The following CYP7B1 variants were observed in gnomAD, a reference collection of about 807,000 sequenced individuals.
CYP7B1 encodes the protein cytochrome P450 family 7 subfamily B member 1.
In CYP7B1, 29 loss-of-function variants were observed where a neutral mutation model predicts 42.7. The observed-to-expected ratio is 0.68, with a 90% CI of 0.51 to 0.93. The LOEUF (loss-of-function observed/expected upper bound fraction) is 0.93. CYP7B1 is among the 40% of genes least tolerant of loss of function. The pLI is 0.00. For missense variants in CYP7B1, 655 were observed against 600.5 expected (o/e 1.09, Z -0.95); for synonymous variants, 235 against 218.2 (o/e 1.08, Z -0.68).
chr8:64,704,699 C>T (rs2129632526), intron 1 of CYP7B1, among the ~76,000 whole-genome samples: 1 of 152,156 alleles, frequency 6.6e-6, no homozygotes, highest in East Asian at 1.9e-4. Context: ...GGATATATAA[C>T]ATTTCATGCT....
At chr8:64,714,940 G>T (rs1296168588) in intron 1 of CYP7B1, among the ~76,000 whole-genome samples, 1 of 152,036 alleles carries the variant, frequency 6.6e-6, no homozygotes, top group African/African-American at 2.4e-5. Flanking sequence ...TCCTTATTTG[G>T]GAATTTAAAC....
At chr8:64,759,269 G>T (rs1226083653) in intron 1 of CYP7B1, among the ~76,000 whole-genome samples, 3 of 152,162 alleles carry the variant, frequency 2.0e-5, no homozygotes, top group Non-Finnish European at 4.4e-5. Flanking sequence ...AGGACAAAAT[G>T]CAAGAGGTCA....
At chr8:64,606,958 T>C (rs1192096457) in intron 4 of CYP7B1, among the ~76,000 whole-genome samples, 1 of 152,090 alleles carries the variant, frequency 6.6e-6, no homozygotes, top group East Asian at 1.9e-4. Context: ...AATAAAAAAA[T>C]TGCAGCCTCT....
intron 1 of CYP7B1, among the ~76,000 whole-genome samples, chr8:64,700,463 A>G (rs1289588566): frequency 6.6e-6 from 1 of 152,126 alleles, no homozygotes; most frequent in East Asian, 1.9e-4. Flanking sequence ...TGCTTCCCAT[A>G]GCATTGTGTC....
At chr8:64,796,227 C>A (rs1804700473) in intron 1 of CYP7B1, among the ~76,000 whole-genome samples, 1 of 152,002 alleles carries the variant, frequency 6.6e-6, no homozygotes, top group African/African-American at 2.4e-5. Flanking sequence ...TAAACAAATG[C>A]AAATTACAAT....
intron 1 of CYP7B1, among the ~76,000 whole-genome samples, chr8:64,643,404 A>G (rs531579399): frequency 6.6e-5 from 10 of 152,110 alleles, no homozygotes; most frequent in Non-Finnish European, 1.5e-4. Flanking sequence ...AAATGTACAT[A>G]TCTTAATTAA....
chr8:64,741,839 A>C (rs1439066560), intron 1 of CYP7B1, among the ~76,000 whole-genome samples: 1 of 152,200 alleles, frequency 6.6e-6, no homozygotes, highest in Non-Finnish European at 1.5e-5. Context: ...ACTCTAATAA[A>C]AGAAATTAAA....
At chr8:64,684,443 A>AC (rs1806588541) in intron 1 of CYP7B1, among the ~76,000 whole-genome samples, 1 of 152,274 alleles carries the variant, frequency 6.6e-6, no homozygotes, top group African/African-American at 2.4e-5. Context: ...AATACCTAGA[A>AC]TGCCTAGTAT....
chr8:64,762,740 C>A (rs1449497572), intron 1 of CYP7B1, among the ~76,000 whole-genome samples: 1 of 152,154 alleles, frequency 6.6e-6, no homozygotes. Flanking sequence ...TTTTATATAA[C>A]AGTTTTATGG....
intron 1 of CYP7B1, among the ~76,000 whole-genome samples, chr8:64,690,874 A>G (rs1180466472): frequency 6.6e-6 from 1 of 152,218 alleles, no homozygotes; most frequent in Non-Finnish European, 1.5e-5. Context: ...CATGCACATA[A>G]GCAATCAGTT....
At chr8:64,725,852 T>C (rs1005122049) in intron 1 of CYP7B1, among the ~76,000 whole-genome samples, 2 of 152,222 alleles carry the variant, frequency 1.3e-5, no homozygotes, top group Non-Finnish European at 2.9e-5. Flanking sequence ...GTATCTCTTC[T>C]CCTTCATCAT....
At chr8:64,713,598 A>G (rs1807112366) in intron 1 of CYP7B1, among the ~76,000 whole-genome samples, 3 of 152,094 alleles carry the variant, frequency 2.0e-5, no homozygotes, top group Admixed American at 6.5e-5. Flanking sequence ...AATTGACAGC[A>G]GATTAGATTA....
chr8:64,722,503 A>AG (rs1028211975), intron 1 of CYP7B1, among the ~76,000 whole-genome samples: 3 of 152,020 alleles, frequency 2.0e-5, no homozygotes, highest in African/African-American at 7.3e-5. Flanking sequence ...CTACTAGAAA[A>AG]AATCTAACAT....
At chr8:64,673,166 G>A (rs756952977) in intron 1 of CYP7B1, among the ~76,000 whole-genome samples, 1 of 152,094 alleles carries the variant, frequency 6.6e-6, no homozygotes, top group Non-Finnish European at 1.5e-5. Context: ...CATGGGGGAT[G>A]TGTCCTGTTG....
chr8:64,619,558 G>A (rs1805497156), intron 2 of CYP7B1, among the ~76,000 whole-genome samples: 1 of 152,122 alleles, frequency 6.6e-6, no homozygotes, highest in Non-Finnish European at 1.5e-5. Flanking sequence ...TAAATTTGAA[G>A]TCAGCTCCAA....
intron 1 of CYP7B1, among the ~76,000 whole-genome samples, chr8:64,699,581 A>AT (rs1806881920): frequency 6.6e-6 from 1 of 152,036 alleles, no homozygotes; most frequent in African/African-American, 2.4e-5. Flanking sequence ...ACAAAAGTAT[A>AT]TTTTTTGCAT....
At chr8:64,794,352 G>A (rs1244278422) in intron 1 of CYP7B1, among the ~76,000 whole-genome samples, 1 of 152,236 alleles carries the variant, frequency 6.6e-6, no homozygotes, top group Non-Finnish European at 1.5e-5. Context: ...CACCACTGGG[G>A]TGACAGAGTT....
chr8:64,624,910 CT>C (rs1277384603), intron 1 of CYP7B1, among the ~76,000 whole-genome samples: 5 of 149,860 alleles, frequency 3.3e-5, no homozygotes, highest in Non-Finnish European at 7.4e-5. Flanking sequence ...ACCCTTCCCC[CT>C]GGGTACCCCC....
Position 64,596,489 on chromosome 8 carries a change from C to A in CYP7B1, c.*153G>T. On this transcript the variant is annotated 3_prime_UTR_variant, in exon 6 of 6. Transcript: ENST00000310193. Reference sequence around the variant, plus strand: ...TTTTATATTATGATGGGCTTTGTGACTAAGGACAAACTGGACTGATATCAG... The same window carrying A: ...TTTTATATTATGATGGGCTTTGTGAATAAGGACAAACTGGACTGATATCAG... 1.3e-6 allele frequency: 1 copy of A among 766,710 alleles called. No homozygotes were observed. Among genetic ancestry groups the A allele is most frequent in the South Asian group, 2.0e-5 (1 of 50,530 alleles). The allele number at this position is 766,710 out of a possible 1,614,324, so 47.5% of individuals were successfully genotyped here. A position where few individuals can be genotyped will look rare whatever the true frequency, so the allele number is the denominator to read the frequency against.
Sources: gnomAD v4.1 joint callset for allele counts (sites outside exome capture counted in the v4.1 genomes callset) on GRCh38, gnomAD v4.1.1 for gene constraint, MANE v1.5 for transcripts, NCBI Gene and HGNC (gene_info 2026-07-23, HGNC 2026-07-21) for gene names.